The following GPC6 variants were observed in gnomAD, a reference collection of about 807,000 sequenced individuals.
GPC6 encodes the protein glypican-6.
Under a neutral mutation model 55.2 loss-of-function variants are expected in GPC6, and 14 were observed. That is an observed-to-expected ratio of 0.25 (90% CI 0.17 to 0.40). The LOEUF (loss-of-function observed/expected upper bound fraction) is 0.40. Ranked by LOEUF, GPC6 falls within the 10% of genes least tolerant of loss-of-function variation. The probability of loss-of-function intolerance (pLI) is 1.00; values close to 1 mark genes in which losing one functional copy is unlikely to be tolerated. For missense variants in GPC6, 641 were observed against 708.5 expected (o/e 0.90, Z 1.08); for synonymous variants, 278 against 259.6 (o/e 1.07, Z -0.68).
intron 1 of GPC6, among the ~76,000 whole-genome samples, chr13:93,370,389 C>T (rs781129470): frequency 1.3e-5 from 2 of 152,052 alleles, no homozygotes; most frequent in Non-Finnish European, 2.9e-5. Flanking sequence ...ATAAAACAGT[C>T]TCATAACTGG....
At chr13:93,904,701 A>ACT (rs1201514698) in intron 3 of GPC6, among the ~76,000 whole-genome samples, 1 of 152,152 alleles carries the variant, frequency 6.6e-6, no homozygotes, top group Non-Finnish European at 1.5e-5. Flanking sequence ...ATGCCACTGC[A>ACT]CTCCAGCCTG....
intron 1 of GPC6, among the ~76,000 whole-genome samples, chr13:93,540,025 T>A (rs1020080565): frequency 3.9e-5 from 6 of 152,142 alleles, no homozygotes; most frequent in Non-Finnish European, 8.8e-5. Flanking sequence ...GTAACCTTGT[T>A]TTCTGTGCTT....
chr13:93,792,162 GC>G (rs1179032790), intron 2 of GPC6, among the ~76,000 whole-genome samples: 1 of 152,238 alleles, frequency 6.6e-6, no homozygotes, highest in Non-Finnish European at 1.5e-5. Flanking sequence ...AGGGCAGAAA[GC>G]CCCACCTTGC....
chr13:93,845,845 AG>A lies in GPC6; in HGVS notation c.711+15306del, dbSNP rs1379543761. ...CTGGGGACTGTTGTGGGGTGGGGGG[AG>A]GGGGGAGGGATAGCATTGGGAGATA... On this transcript the variant is annotated intron_variant, in intron 3 of 8. Coordinates refer to ENST00000377047, the MANE Select transcript of GPC6 (RefSeq NM_005708.5). Among the ~76,000 whole-genome samples, 3 of 79,422 alleles carry A rather than the reference AG, an allele frequency of 3.8e-5. No homozygotes were observed. In the East Asian group the frequency reaches 1.3e-3, roughly 35 times the overall value. The allele number at this position is 79,422 out of a possible 152,430, so 52.1% of individuals were successfully genotyped here. A position where few individuals can be genotyped will look rare whatever the true frequency, so the allele number is the denominator to read the frequency against.
At chr13:94,145,654 G>A (rs1887537807) in intron 4 of GPC6, among the ~76,000 whole-genome samples, 1 of 152,170 alleles carries the variant, frequency 6.6e-6, no homozygotes, top group Non-Finnish European at 1.5e-5. Context: ...CATTAATTCA[G>A]TAAACTGTTA....
intron 4 of GPC6, among the ~76,000 whole-genome samples, chr13:94,238,012 G>A (rs1447261484): frequency 1.3e-5 from 2 of 152,174 alleles, no homozygotes; most frequent in African/African-American, 2.4e-5. Context: ...GTTTTTGGAA[G>A]AGGAATTAGT....
intron 2 of GPC6, among the ~76,000 whole-genome samples, chr13:93,709,903 C>G (rs1291600134): frequency 6.6e-6 from 1 of 151,714 alleles, no homozygotes; most frequent in East Asian, 1.9e-4. Context: ...AAATTATTAA[C>G]AGAAAATATT....
intron 3 of GPC6, among the ~76,000 whole-genome samples, chr13:93,839,341 A>T (rs1271648816): frequency 6.6e-6 from 1 of 152,118 alleles, no homozygotes; most frequent in Non-Finnish European, 1.5e-5. Flanking sequence ...AAATCTTTAC[A>T]TCAATTTCAC....
At chr13:93,418,371 G>C (rs1713136116) in intron 1 of GPC6, among the ~76,000 whole-genome samples, 1 of 150,876 alleles carries the variant, frequency 6.6e-6, no homozygotes, top group South Asian at 2.1e-4. Context: ...CTATACCATA[G>C]TATTATTTTA....
chr13:94,218,771 T>A (rs1490186496), intron 4 of GPC6, among the ~76,000 whole-genome samples: 1 of 152,086 alleles, frequency 6.6e-6, no homozygotes, highest in Non-Finnish European at 1.5e-5. Context: ...CTCTCAAACT[T>A]TACTTTGCAT....
chr13:94,101,321 T>A (rs560303379), intron 4 of GPC6, among the ~76,000 whole-genome samples: 7 of 151,886 alleles, frequency 4.6e-5, no homozygotes, highest in African/African-American at 1.5e-4. Context: ...TGTTCCATGT[T>A]ATCAACAGCA....
chr13:93,772,179 G>A (rs1043621111), intron 2 of GPC6, among the ~76,000 whole-genome samples: 3 of 152,244 alleles, frequency 2.0e-5, no homozygotes, highest in East Asian at 3.9e-4. Context: ...AAAAGTAATG[G>A]CATCAACTAA....
At chr13:94,019,833 T>A (rs969504391) in intron 3 of GPC6, among the ~76,000 whole-genome samples, 3 of 152,216 alleles carry the variant, frequency 2.0e-5, no homozygotes, top group Non-Finnish European at 4.4e-5. Flanking sequence ...TTTTATATAA[T>A]CATCTTTATC....
chr13:93,999,022 C>T (rs1332011925), intron 3 of GPC6, among the ~76,000 whole-genome samples: 10 of 152,124 alleles, frequency 6.6e-5, no homozygotes, highest in African/African-American at 2.4e-4. Context: ...CTTTCTGCTT[C>T]TATGAGTTTG....
intron 1 of GPC6, among the ~76,000 whole-genome samples, chr13:93,342,929 A>C (rs758550009): frequency 9.2e-5 from 14 of 152,182 alleles, no homozygotes; most frequent in Non-Finnish European, 1.5e-4. Context: ...ACCACACAGG[A>C]AGGAAATTTG....
At chr13:94,275,242 AATATAC>A (rs1892166393) in intron 4 of GPC6, among the ~76,000 whole-genome samples, 1 of 152,218 alleles carries the variant, frequency 6.6e-6, no homozygotes, top group Non-Finnish European at 1.5e-5. Context: ...AACAATAACA[AATATAC>A]ATATAATAAG....
At chr13:94,048,169 G>T (rs1883798712) in intron 4 of GPC6, among the ~76,000 whole-genome samples, 1 of 152,028 alleles carries the variant, frequency 6.6e-6, no homozygotes, top group African/African-American at 2.4e-5. Context: ...GGGAAAATGA[G>T]ATGATGCCTA....
chr13:94,149,256 TC>T (rs1188022952), intron 4 of GPC6, among the ~76,000 whole-genome samples: 1 of 151,782 alleles, frequency 6.6e-6, no homozygotes, highest in Non-Finnish European at 1.5e-5. Flanking sequence ...AGCCCCGAAG[TC>T]CCCCAAGAGG....
intron 3 of GPC6, among the ~76,000 whole-genome samples, chr13:93,953,498 T>G (rs1566620044): frequency 6.6e-6 from 1 of 152,200 alleles, no homozygotes; most frequent in Non-Finnish European, 1.5e-5. Flanking sequence ...GTAGAACAGT[T>G]TATTTTTCTG....
Sources: allele counts gnomAD v4.1 joint callset (sites outside exome capture counted in the v4.1 genomes callset), GRCh38; gene constraint gnomAD v4.1.1; transcripts MANE v1.5; gene names NCBI Gene and HGNC (gene_info 2026-07-23, HGNC 2026-07-21).